ARHGEF17: variants seen among roughly 807,000 people sequenced by gnomAD.
ARHGEF17 encodes 164 kDa Rho-specific guanine-nucleotide exchange factor.
A neutral mutation model predicts 174.0 loss-of-function variants in ARHGEF17; 80 were observed. That is an observed-to-expected ratio of 0.46 (90% confidence interval 0.38 to 0.55). ARHGEF17 has a LOEUF of 0.55. Among genes scored for constraint, ARHGEF17 ranks in the 20% least tolerant of loss-of-function variants. The probability of loss-of-function intolerance (pLI) is 0.00; values close to 1 mark genes in which losing one functional copy is unlikely to be tolerated. For synonymous variants in ARHGEF17, 1,311 were observed against 1,189.1 expected, an observed-to-expected ratio of 1.10 and a Z score of -2.11; for missense variants, 2,886 against 2,839.7, an observed-to-expected ratio of 1.02 and a Z score of -0.37.
intron 1 of ARHGEF17, 33 bp downstream of exon 1, chr11:73,311,863 C>T: frequency 6.4e-7 from 1 of 1,561,062 alleles, no homozygotes; most frequent in South Asian, 1.2e-5. Context: ...CAGATTGGGG[C>T]CAAAGAAGGG....
In ARHGEF17 at chr11:73,310,920, G is replaced by C; in HGVS notation, c.2282G>C (p.Gly761Ala). ...TGFSVDSNLL[G>A]SLSPKTGLPA... is the part of the protein sequence containing the mutation. ...TTCTCTGTGGACAGCAACCTCCTGGGCTCACTGAGCCCCAAGACAGGGCTC... is the reference window on the plus strand; with the variant it reads ...TTCTCTGTGGACAGCAACCTCCTGGCCTCACTGAGCCCCAAGACAGGGCTC... The change falls in exon 1 of 21, where the codon GGC (glycine) becomes GCC (alanine). Residue 761 changes from glycine (G) to alanine (A), a missense_variant. Gly to Ala is a moderately conservative substitution (Grantham distance 60). This residue lies in a region of ARHGEF17 where 1,728 missense variants were observed against 1,461.2 expected (regional missense o/e 1.18). Coordinates refer to ENST00000263674, the MANE Select transcript of ARHGEF17 (RefSeq NM_014786.4). 1.2e-6 allele frequency: 2 copies of C among 1,613,856 alleles called. No homozygotes were observed. Among genetic ancestry groups the C allele is most frequent in the Non-Finnish European group, 1.7e-6 (2 of 1,179,940 alleles).
chr11:73,329,637 C>T (rs560060583), intron 1 of ARHGEF17, among the ~76,000 whole-genome samples: 2 of 151,672 alleles, frequency 1.3e-5, no homozygotes, highest in Admixed American at 6.6e-5. Flanking sequence ...TGACTTCAGG[C>T]GATCCGCCTG....
chr11:73,324,531 G>C (rs1255422827), intron 1 of ARHGEF17, among the ~76,000 whole-genome samples: 1 of 152,208 alleles, frequency 6.6e-6, no homozygotes, highest in African/African-American at 2.4e-5. Flanking sequence ...CACTGATTGG[G>C]GGTGGGATGG....
intron 1 of ARHGEF17, among the ~76,000 whole-genome samples, chr11:73,312,482 C>A (rs950749085): frequency 6.6e-6 from 1 of 152,162 alleles, no homozygotes; most frequent in Non-Finnish European, 1.5e-5. Flanking sequence ...GATAGGTGGA[C>A]AAACTAGTGC....
At position 73,352,998 on chromosome 11, in the gene ARHGEF17, C is replaced by T. The variant is rs758613722; in HGVS notation, c.3439C>T (p.Leu1147=). Reference sequence around the variant, plus strand: ...GCATGCCCAGCAGAAGGTGGGAGCCCTGCTCGTCCAGTCGGTGAGTGGCCC... The same window carrying T: ...GCATGCCCAGCAGAAGGTGGGAGCCTTGCTCGTCCAGTCGGTGAGTGGCCC... ...TWHAQQKVGA[L]LVQSFSKDVL... Residue 1147 remains leucine (L), a synonymous_variant, in exon 3 of 21, where the codon CTG becomes TTG. Transcript: ENST00000263674. 3 of 1,613,800 alleles carry T rather than the reference C, an allele frequency of 1.9e-6. No homozygotes were observed. Among genetic ancestry groups the T allele is most frequent in the East Asian group, 4.5e-5 (2 of 44,886 alleles).
At chr11:73,328,670 A>G (rs1865142255) in intron 1 of ARHGEF17, among the ~76,000 whole-genome samples, 1 of 152,232 alleles carries the variant, frequency 6.6e-6, no homozygotes, top group Non-Finnish European at 1.5e-5. Flanking sequence ...GAAACAGAAG[A>G]GGGAAAGCAA....
Position 73,357,051 on chromosome 11 carries a change from G to A in ARHGEF17, c.3918G>A (p.Arg1306=), listed in dbSNP as rs1274722166. Residue 1306 remains arginine, a synonymous_variant, in exon 8 of 21, where the codon CGG becomes CGA. Coordinates refer to ENST00000263674, the MANE Select transcript of ARHGEF17 (RefSeq NM_014786.4). ...AGGCGATCGGTGGCAAGAAGGACCG[G>A]TCTCTCTTCCTGTTCACGGACCTCA... ...EVKAIGGKKD[R]SLFLFTDLIV... The A allele has an allele frequency of 1.9e-6, 3 of 1,614,168 alleles. No homozygotes were observed. Among genetic ancestry groups the A allele is most frequent in the Non-Finnish European group, 2.5e-6 (3 of 1,180,038 alleles).
At position 73,356,243 on chromosome 11, in the gene ARHGEF17, C is replaced by G. The variant is rs1299573272; in HGVS notation, c.3732C>G (p.Ile1244Met). ...TCCTGCTGGAGGCGCAGCGGAACAT[C>G]AAGCAGGTGGCTGAGCGCATCAACA... ...HPLLLEAQRN[I>M]KQVAERINKG... The change falls in exon 6 of 21, where the codon ATC becomes ATG. Residue 1244 changes from isoleucine to methionine, a missense_variant. By Grantham distance (10) the Ile-to-Met change is conservative (BLOSUM62 1). Around this residue, in one of 4 missense-constraint regions of ARHGEF17, gnomAD observed 353 missense variants for 470.3 expected, o/e 0.75. Coordinates refer to ENST00000263674, the MANE Select transcript of ARHGEF17 (RefSeq NM_014786.4). 6.2e-7 allele frequency: 1 copy of G among 1,613,852 alleles called. No homozygotes were observed. Among genetic ancestry groups the G allele is most frequent in the African/African-American group, 1.3e-5 (1 of 74,928 alleles).
intron 1 of ARHGEF17, among the ~76,000 whole-genome samples, 177 bp from the exon 2 acceptor site, chr11:73,346,706 G>T (rs1203205672): frequency 6.6e-6 from 1 of 152,144 alleles, no homozygotes; most frequent in Non-Finnish European, 1.5e-5. Flanking sequence ...CAAAGACCTG[G>T]CAGAGTGGAG....
chr11:73,356,637 T>C, intron 6 of ARHGEF17, 72 bp from the exon 7 acceptor site: 2 of 1,588,844 alleles, frequency 1.3e-6, no homozygotes, highest in Non-Finnish European at 8.6e-7. Context: ...GGCCGAGGGA[T>C]CACTGGGATT....
At chr11:73,354,888 G>A (rs1314281645) in intron 3 of ARHGEF17, among the ~76,000 whole-genome samples, 1 of 152,244 alleles carries the variant, frequency 6.6e-6, no homozygotes, top group African/African-American at 2.4e-5. Flanking sequence ...GCAGGTATTA[G>A]CCACCAGCTG....
rs1159434669 is a variant in ARHGEF17 at position 73,356,256 on chromosome 11, G to A, written c.3745G>A (p.Glu1249Lys). 21 of 1,613,786 alleles carry A rather than the reference G, an allele frequency of 1.3e-5. No homozygotes were observed. Among genetic ancestry groups the A allele is most frequent in the Non-Finnish European group, 1.8e-5 (21 of 1,180,040 alleles). ...EAQRNIKQVA[E>K]RINKGVRSAE... Reference sequence around the variant, plus strand: ...GCAGCGGAACATCAAGCAGGTGGCTGAGCGCATCAACAAGGGTGTGCGGAG... The same window carrying A: ...GCAGCGGAACATCAAGCAGGTGGCTAAGCGCATCAACAAGGGTGTGCGGAG... Residue 1249 changes from glutamate (E) to lysine (K), a missense_variant, in exon 6 of 21, where the codon GAG becomes AAG. Coordinates refer to ENST00000263674, the MANE Select transcript of ARHGEF17 (RefSeq NM_014786.4).
Position 73,365,251 on chromosome 11 carries a change from C to G in ARHGEF17, c.5551-139C>G. On this transcript the variant is annotated intron_variant, in intron 18 of 20. Transcript: ENST00000263674. The surrounding 1 kb of genome is among the most constrained non-coding windows in gnomAD (Gnocchi z 4.9). Reference sequence around the variant, plus strand: ...CTAAGTTGGGAGGTGCTGGTGAAACCAAGCTTCGAAAGGTTAATCAGACCA... The same window carrying G: ...CTAAGTTGGGAGGTGCTGGTGAAACGAAGCTTCGAAAGGTTAATCAGACCA... 1.1e-6 allele frequency: 1 copy of G among 937,240 alleles called. No homozygotes were observed. The highest frequency in any genetic ancestry group is 2.6e-5 in the Admixed American group (1 of 39,044). 58.1% of individuals were successfully genotyped at this position (937,240 alleles called of 1,614,324 possible).
intron 1 of ARHGEF17, among the ~76,000 whole-genome samples, chr11:73,343,464 C>T (rs1311961430): frequency 6.6e-6 from 1 of 152,100 alleles, no homozygotes; most frequent in Non-Finnish European, 1.5e-5. Flanking sequence ...GCTGGCAGGG[C>T]GCTGAGGGTC....
At chr11:73,333,207 A>C (rs923660049) in intron 1 of ARHGEF17, among the ~76,000 whole-genome samples, 2 of 152,216 alleles carry the variant, frequency 1.3e-5, no homozygotes, top group Non-Finnish European at 2.9e-5. Flanking sequence ...TAAAGGCCGA[A>C]ACTCTAGAAG....
At chr11:73,323,135 C>T (rs1865042980) in intron 1 of ARHGEF17, among the ~76,000 whole-genome samples, 1 of 152,162 alleles carries the variant, frequency 6.6e-6, no homozygotes, top group African/African-American at 2.4e-5. Context: ...AGTGCCCTGC[C>T]TCTCAGGGGG....
At chr11:73,350,257 G>A (rs116692599) in intron 2 of ARHGEF17, among the ~76,000 whole-genome samples, 189 of 152,332 alleles carry the variant, frequency 1.2e-3, no homozygotes, top group African/African-American at 4.3e-3. Context: ...AGTGGTATTA[G>A]TTGACATTCA....
chr11:73,309,701 C>G lies in ARHGEF17; in HGVS notation c.1063C>G (p.Pro355Ala), dbSNP rs776573782. 2.5e-5 allele frequency: 40 copies of G among 1,612,902 alleles called. 1 individual carries two copies. The South Asian group carries it at 4.4e-4, about 18-fold the overall frequency. The change falls in exon 1 of 21, where the codon CCC becomes GCC. Residue 355 changes from proline to alanine, a missense_variant. Coordinates refer to ENST00000263674, the MANE Select transcript of ARHGEF17 (RefSeq NM_014786.4). ...TGGCTCTCCGCCCTGCGTCCCAGGTCCCCAGGAGGGACTTCGGCCTATGTC... is the reference window on the plus strand; with the variant it reads ...TGGCTCTCCGCCCTGCGTCCCAGGTGCCCAGGAGGGACTTCGGCCTATGTC... ...GSGSPPCVPGPQEGLRPMSDS... is the reference protein window; with the variant it reads ...GSGSPPCVPGAQEGLRPMSDS...
chr11:73,363,335 A>T lies in ARHGEF17; in HGVS notation c.5126A>T (p.Asp1709Val). 6.2e-7 allele frequency: 1 copy of T among 1,612,862 alleles called. No individual in the cohort carries two copies. The highest frequency in any genetic ancestry group is 8.5e-7 in the Non-Finnish European group (1 of 1,179,836). ...GGTCCCTGCGGCACCAGCCCAATGG[A>T]TGGGAGAGCCCTTCGCCGCTCCAGC... is the stretch of plus-strand genomic sequence containing the variant. ...PGGPCGTSPM[D>V]GRALRRSSHG... The change falls in exon 15 of 21, where the codon GAT (aspartate) becomes GTT (valine). Residue 1709 changes from aspartate to valine, a missense_variant. Physicochemically the swap from Asp to Val is radical, Grantham distance 152. Coordinates refer to ENST00000263674, the MANE Select transcript of ARHGEF17 (RefSeq NM_014786.4).
Sources: gnomAD v4.1 joint callset for allele counts (sites outside exome capture counted in the v4.1 genomes callset) on GRCh38, gnomAD v4.1.1 for gene constraint, gnomAD v4.1.1 regional missense constraint, Gnocchi (gnomAD v3.1) non-coding constraint, MANE v1.5 for transcripts, NCBI Gene and HGNC (gene_info 2026-07-23, HGNC 2026-07-21) for gene names.